Variants in HS2ST1 observed in about 807,000 individuals in gnomAD.
HS2ST1 encodes the protein heparan sulfate 2-O-sulfotransferase 1, also known as 2-O-sulfotransferase.
In HS2ST1, 18 loss-of-function variants were observed where a neutral mutation model predicts 42.9. The observed-to-expected ratio is 0.42, with a 90% CI of 0.29 to 0.62. The LOEUF (loss-of-function observed/expected upper bound fraction) is 0.62, where lower values mean the gene tolerates loss of function less well. Ranked by LOEUF, HS2ST1 falls within the 20% of genes least tolerant of loss-of-function variation. HS2ST1 has a pLI of 0.21. For missense variants in HS2ST1, 334 were observed against 433.8 expected (o/e 0.77, Z 2.04); for synonymous variants, 146 against 152.9 (o/e 0.95, Z 0.33).
chr1:86,963,001 A>C (rs1647895952), intron 1 of HS2ST1, among the ~76,000 whole-genome samples: 1 of 152,180 alleles, frequency 6.6e-6, no homozygotes, highest in African/African-American at 2.4e-5. Flanking sequence ...GGTAGTATAG[A>C]AAGAGGTGGT....
At chr1:87,057,647 C>T (rs540508622) in intron 1 of HS2ST1, among the ~76,000 whole-genome samples, 2 of 150,824 alleles carry the variant, frequency 1.3e-5, no homozygotes, top group African/African-American at 4.9e-5. Flanking sequence ...GTCAGGAGAT[C>T]GAAACCATCC....
intron 1 of HS2ST1, among the ~76,000 whole-genome samples, chr1:86,981,148 C>T (rs1187638444): frequency 6.6e-6 from 1 of 152,158 alleles, no homozygotes; most frequent in African/African-American, 2.4e-5. Context: ...TGAGAACTCA[C>T]TATCACGAGA....
chr1:87,062,301 T>C (rs1402605722), intron 1 of HS2ST1, among the ~76,000 whole-genome samples: 1 of 150,928 alleles, frequency 6.6e-6, no homozygotes, highest in Non-Finnish European at 1.5e-5. Flanking sequence ...GTTACTTATA[T>C]TTTTTTTTAG....
intron 1 of HS2ST1, among the ~76,000 whole-genome samples, chr1:87,006,018 T>C (rs1473038359): frequency 6.6e-6 from 1 of 152,174 alleles, no homozygotes; most frequent in Non-Finnish European, 1.5e-5. Flanking sequence ...TTTTCATAAC[T>C]TTCTAAATAT....
intron 1 of HS2ST1, among the ~76,000 whole-genome samples, chr1:86,959,985 A>G (rs1647785225): frequency 6.6e-6 from 1 of 152,190 alleles, no homozygotes; most frequent in South Asian, 2.1e-4. Flanking sequence ...TAGGCAACAC[A>G]ATATTATAGG....
intron 5 of HS2ST1, chr1:87,098,468 A>G (rs1282398388): frequency 1.9e-6 from 1 of 519,454 alleles, no homozygotes; most frequent in African/African-American, 2.1e-5. Context: ...TCAGTTTTTA[A>G]AAATAATTTT....
At chr1:86,994,289 A>C (rs1649035270) in intron 1 of HS2ST1, among the ~76,000 whole-genome samples, 2 of 152,194 alleles carry the variant, frequency 1.3e-5, no homozygotes, top group South Asian at 4.1e-4. Context: ...GTATAGCTGC[A>C]AGATAATGTT....
chr1:87,066,766 A>G (rs1256331424), intron 1 of HS2ST1, among the ~76,000 whole-genome samples: 1 of 151,020 alleles, frequency 6.6e-6, no homozygotes, highest in Non-Finnish European at 1.5e-5. Context: ...ATGTTCCCCT[A>G]CCTGTGTCCA....
intron 1 of HS2ST1, among the ~76,000 whole-genome samples, chr1:87,028,179 G>A (rs1570496057): frequency 6.6e-6 from 1 of 152,136 alleles, no homozygotes; most frequent in African/African-American, 2.4e-5. Context: ...TACACTACTA[G>A]ACAAGTGATT....
chr1:87,000,562 G>A (rs6689089), intron 1 of HS2ST1, among the ~76,000 whole-genome samples: 112,292 of 152,052 alleles, frequency 0.74, 42,791 homozygotes, highest in East Asian at 0.97. Context: ...TAGTTTTAAC[G>A]CAAAAGACTT....
At position 87,106,112 on chromosome 1, in the gene HS2ST1, C is replaced by T. The variant is rs1401661343; in HGVS notation, c.*1416C>T. On this transcript the variant is annotated 3_prime_UTR_variant, in exon 7 of 7. Coordinates refer to ENST00000370550, the MANE Select transcript of HS2ST1 (RefSeq NM_012262.4). The stretch of plus-strand genomic sequence containing the variant: ...ATGTAAATGTAAGGTATTATAGAAA[C>T]ATCTTTAACATATAGTTTCATACCA... The T allele has an allele frequency of 1.3e-5, 2 of 152,460 alleles. No individual in the cohort carries two copies. Among genetic ancestry groups the T allele is most frequent in the South Asian group, 2.1e-4 (1 of 4,832 alleles). 9.4% of individuals were successfully genotyped at this position (152,460 alleles called of 1,614,324 possible).
intron 1 of HS2ST1, among the ~76,000 whole-genome samples, chr1:87,052,260 A>AT (rs145313341): frequency 0.14 from 20,669 of 151,796 alleles, 1,499 homozygotes; most frequent in African/African-American, 0.18. Context: ...CTCAAAAAAA[A>AT]TTTTTTTTTA....
At chr1:87,023,912 GA>G (rs938713435) in intron 1 of HS2ST1, among the ~76,000 whole-genome samples, 3 of 151,986 alleles carry the variant, frequency 2.0e-5, no homozygotes, top group Non-Finnish European at 4.4e-5. Context: ...ATCCATAGTA[GA>G]AAACAACTGA....
At chr1:87,049,439 C>T (rs1457148165) in intron 1 of HS2ST1, among the ~76,000 whole-genome samples, 1 of 152,026 alleles carries the variant, frequency 6.6e-6, no homozygotes, top group African/African-American at 2.4e-5. Context: ...AAAAGCACTG[C>T]TTCAGTTACA....
intron 1 of HS2ST1, among the ~76,000 whole-genome samples, chr1:86,972,805 G>A (rs942858996): frequency 1.8e-4 from 28 of 152,114 alleles, no homozygotes; most frequent in African/African-American, 5.3e-4. Flanking sequence ...TGAATTCCAC[G>A]TGTTTTTCTT....
chr1:86,983,475 C>T (rs1036376538), intron 1 of HS2ST1, among the ~76,000 whole-genome samples: 17 of 152,076 alleles, frequency 1.1e-4, no homozygotes, highest in Non-Finnish European at 1.9e-4. Flanking sequence ...CTCACTATCA[C>T]GAGAACAGCA....
intron 3 of HS2ST1, among the ~76,000 whole-genome samples, chr1:87,090,723 A>G (rs1474438085): frequency 6.6e-6 from 1 of 151,932 alleles, no homozygotes; most frequent in Non-Finnish European, 1.5e-5. Context: ...TTGTAACAGT[A>G]TAGAAGACCC....
chr1:87,023,550 A>G (rs1243730886), intron 1 of HS2ST1, among the ~76,000 whole-genome samples: 1 of 151,952 alleles, frequency 6.6e-6, no homozygotes, highest in African/African-American at 2.4e-5. Flanking sequence ...GTGTATCTCT[A>G]TGAACAGATT....
chr1:86,946,522 A>G (rs1570438464), intron 1 of HS2ST1, among the ~76,000 whole-genome samples: 3 of 152,194 alleles, frequency 2.0e-5, no homozygotes, highest in Admixed American at 2.0e-4. Flanking sequence ...GCCTGAAGTA[A>G]TGGTCTTAGC....
Sources: allele counts gnomAD v4.1 joint callset (sites outside exome capture counted in the v4.1 genomes callset), GRCh38; gene constraint gnomAD v4.1.1; transcripts MANE v1.5; gene names NCBI Gene and HGNC (gene_info 2026-07-23, HGNC 2026-07-21).